The following RAB38 variants were observed in gnomAD, a reference collection of about 807,000 sequenced individuals.
RAB38 encodes the protein RAB38, member RAS oncogene family, also known as ras-related protein Rab-38.
Under a neutral mutation model 18.4 loss-of-function variants are expected in RAB38, and 15 were observed. The observed-to-expected ratio is 0.82, with a 90% CI of 0.55 to 1.26. The LOEUF (loss-of-function observed/expected upper bound fraction) is 1.26. Ranked by LOEUF, RAB38 falls within the 50% of genes most tolerant of loss-of-function variation. The pLI, the probability that RAB38 is intolerant of heterozygous loss-of-function variation, is 0.00. For missense variants in RAB38, 294 were observed against 267.4 expected (o/e 1.10, Z -0.69); for synonymous variants, 101 against 104.4 (o/e 0.97, Z 0.20).
chr11:88,099,068 A>G, the RAB38 span, among the ~76,000 whole-genome samples: 1 of 151,934 alleles, frequency 6.6e-6, no homozygotes, highest in Non-Finnish European at 1.5e-5. Context: ...GTGTTCTTAT[A>G]TGTTTGTTTT....
At chr11:88,164,585 G>A (rs184960996) in intron 1 of RAB38, among the ~76,000 whole-genome samples, 15 of 151,850 alleles carry the variant, frequency 9.9e-5, no homozygotes, top group Admixed American at 5.9e-4. Context: ...AGTAAACTGT[G>A]GTGATTAACA....
the RAB38 span, among the ~76,000 whole-genome samples, chr11:87,856,160 G>T: frequency 5.9e-5 from 9 of 152,112 alleles, no homozygotes; most frequent in Non-Finnish European, 1.2e-4. Context: ...CATATGGGAG[G>T]GTTATACGTC....
At chr11:87,816,046 A>C in the RAB38 span, 1 of 152,478 alleles carries the variant, frequency 6.6e-6, no homozygotes, top group East Asian at 1.9e-4. Flanking sequence ...AGCAGGCACC[A>C]AGAAGTGAGC....
the RAB38 span, among the ~76,000 whole-genome samples, chr11:87,887,952 C>G: frequency 6.6e-6 from 1 of 151,824 alleles, no homozygotes; most frequent in African/African-American, 2.4e-5. Flanking sequence ...CAACATTCTC[C>G]CCTGTACCAT....
chr11:88,046,616 C>T, the RAB38 span, among the ~76,000 whole-genome samples: 6 of 152,154 alleles, frequency 3.9e-5, no homozygotes, highest in Admixed American at 1.3e-4. Context: ...TTACCTATCT[C>T]GGCATAATTC....
intron 2 of RAB38, among the ~76,000 whole-genome samples, chr11:88,142,934 C>T (rs1350835340): frequency 2.5e-4 from 38 of 152,204 alleles, no homozygotes; most frequent in Admixed American, 2.5e-3. Context: ...ATCTGTATAC[C>T]TGTCATTAGA....
the RAB38 span, among the ~76,000 whole-genome samples, chr11:88,021,582 T>G: frequency 6.8e-6 from 1 of 147,836 alleles, no homozygotes; most frequent in Non-Finnish European, 1.5e-5. Flanking sequence ...ATTTATTTAT[T>G]TATTTATTTA....
the RAB38 span, among the ~76,000 whole-genome samples, chr11:88,028,737 C>T: frequency 6.6e-6 from 1 of 152,068 alleles, no homozygotes. Context: ...TGTGAAAAGA[C>T]CAAATCTACG....
the RAB38 span, among the ~76,000 whole-genome samples, chr11:87,963,963 A>C: frequency 6.6e-6 from 1 of 152,250 alleles, no homozygotes; most frequent in African/African-American, 2.4e-5. Flanking sequence ...TGATGGAATA[A>C]AGTTTAAGCA....
chr11:88,027,794 G>T, the RAB38 span, among the ~76,000 whole-genome samples: 3 of 152,202 alleles, frequency 2.0e-5, no homozygotes, highest in Non-Finnish European at 4.4e-5. Flanking sequence ...CACCTCTGGG[G>T]GCAGGGAACA....
rs1027585508 is a variant in RAB38, at chr11:88,175,301, G to C, written c.84C>G (p.Arg28=). 3.7e-6 allele frequency: 6 copies of C among 1,614,104 alleles called. No individual in the cohort carries two copies. The African/African-American group carries it at 4.0e-5, about 11-fold the overall frequency. Residue 28 remains arginine, a synonymous_variant, in exon 1 of 3, where the codon CGC becomes CGG. Coordinates refer to ENST00000243662, the MANE Select transcript of RAB38 (RefSeq NM_022337.3). ...LGVGKTSIIK[R]YVHQNFSSHY... ...GCGAAGAGAAGTTCTGGTGCACGTA[G>C]CGCTTGATGATACTGGTCTTCCCCA...
chr11:87,977,702 T>C, the RAB38 span, among the ~76,000 whole-genome samples: 1 of 110,094 alleles, frequency 9.1e-6, no homozygotes, highest in African/African-American at 3.6e-5. Context: ...TATATAGGGA[T>C]ATATTATATA....
At chr11:88,112,516 G>T (rs1195803891), downstream of RAB38, among the ~76,000 whole-genome samples, 2 of 152,134 alleles carry the variant, frequency 1.3e-5, no homozygotes, top group African/African-American at 4.8e-5. Context: ...CTGCAGAGTT[G>T]TAAGAGGCCA....
chr11:87,910,713 T>C, the RAB38 span, among the ~76,000 whole-genome samples: 1 of 147,154 alleles, frequency 6.8e-6, no homozygotes, highest in African/African-American at 2.5e-5. Context: ...CTATCTCGGC[T>C]TACTGCAATC....
chr11:87,912,292 T>C, the RAB38 span, among the ~76,000 whole-genome samples: 1 of 152,004 alleles, frequency 6.6e-6, no homozygotes, highest in East Asian at 1.9e-4. Context: ...TTTTTTCTCT[T>C]TGTTTAGTAG....
At chr11:87,924,408 C>T in the RAB38 span, among the ~76,000 whole-genome samples, 1 of 151,998 alleles carries the variant, frequency 6.6e-6, no homozygotes, top group Non-Finnish European at 1.5e-5. Context: ...AATATCTCAG[C>T]TGATGCAACA....
chr11:87,975,001 G>A, the RAB38 span, among the ~76,000 whole-genome samples: 7 of 151,834 alleles, frequency 4.6e-5, no homozygotes, highest in Non-Finnish European at 1.0e-4. Context: ...CTTTTGGAGG[G>A]AATAATGGAA....
chr11:87,812,497 T>C, the RAB38 span, among the ~76,000 whole-genome samples: 1 of 152,246 alleles, frequency 6.6e-6, no homozygotes, highest in Non-Finnish European at 1.5e-5. Context: ...ATAGGGTTTG[T>C]ATACATATTG....
At chr11:87,941,211 T>TTATATATATATA in the RAB38 span, among the ~76,000 whole-genome samples, 3 of 24,146 alleles carry the variant, frequency 1.2e-4, no homozygotes, top group South Asian at 1.8e-3. Context: ...TATAAATATA[T>TTATATATATATA]GAGATATATA....
Sources: allele counts gnomAD v4.1 joint callset (sites outside exome capture counted in the v4.1 genomes callset), GRCh38; gene constraint gnomAD v4.1.1; transcripts MANE v1.5; gene names NCBI Gene and HGNC (gene_info 2026-07-23, HGNC 2026-07-21).